Variants in YJEFN3 observed in about 807,000 individuals in gnomAD.
YJEFN3 encodes the protein yjeF N-terminal domain-containing protein 3.
Under a neutral mutation model 31.5 loss-of-function variants are expected in YJEFN3, and 29 were observed. That is an observed-to-expected ratio of 0.92 (90% CI 0.69 to 1.26). YJEFN3 has a LOEUF of 1.26. Ranked by LOEUF, YJEFN3 falls within the 50% of genes most tolerant of loss-of-function variation. The probability of loss-of-function intolerance (pLI) is 0.00; values close to 1 mark genes in which losing one functional copy is unlikely to be tolerated. For missense variants in YJEFN3, 442 were observed against 425.4 expected (o/e 1.04, Z -0.34); for synonymous variants, 227 against 196.1 (o/e 1.16, Z -1.32).
chr19:19,529,041 A>G, intron 1 of YJEFN3, 50 bp downstream of exon 1: 1 of 1,546,662 alleles, frequency 6.5e-7, no homozygotes, highest in Non-Finnish European at 8.7e-7. Flanking sequence ...CCATGGGGCC[A>G]GGAGCAGCCC....
At chr19:19,535,855 G>A in intron 6 of YJEFN3, 176 bp downstream of exon 6, 1 of 871,612 alleles carries the variant, frequency 1.1e-6, no homozygotes, top group Middle Eastern at 3.3e-4. Context: ...GATCGAGGCT[G>A]CCACCCCAGG....
intron 6 of YJEFN3, chr19:19,536,163 G>A (rs1222814606): frequency 6.5e-6 from 2 of 309,112 alleles, no homozygotes; most frequent in Non-Finnish European, 1.2e-5. Flanking sequence ...GCGGCGTGCT[G>A]TCTGATCTGA....
At chr19:19,536,369 G>A (rs2061209493) in intron 6 of YJEFN3, among the ~76,000 whole-genome samples, 1 of 152,216 alleles carries the variant, frequency 6.6e-6, no homozygotes, top group Non-Finnish European at 1.5e-5. Context: ...CTCCTAGGCT[G>A]AAAGTGGAGG....
At chr19:19,531,053 C>T (rs570644460) in intron 2 of YJEFN3, among the ~76,000 whole-genome samples, 1 of 152,310 alleles carries the variant, frequency 6.6e-6, no homozygotes, top group Admixed American at 6.5e-5. Flanking sequence ...CATTACCTGC[C>T]ACGATGTGCC....
At chr19:19,529,118 G>A (rs1214294452) in intron 1 of YJEFN3, 127 bp downstream of exon 1, 10 of 1,480,436 alleles carry the variant, frequency 6.8e-6, no homozygotes, top group South Asian at 1.4e-5. Flanking sequence ...GGGCACAGCC[G>A]GGATGGAGGT....
rs1210623940 is a variant in YJEFN3, at chr19:19,532,619, A to T, written c.210-13A>T. 26 of 1,526,754 alleles carry T rather than the reference A, an allele frequency of 1.7e-5. No homozygotes were observed. The highest frequency in any genetic ancestry group is 4.1e-5 in the African/African-American group (3 of 72,696). 94.6% of individuals were successfully genotyped at this position (1,526,754 alleles called of 1,614,324 possible). Reference sequence around the variant, plus strand: ...TGTGTGTCTCTGAGTGTCCCATCCCACTCTGTCCCCAGCACCGCGGAGGCA... The same window carrying T: ...TGTGTGTCTCTGAGTGTCCCATCCCTCTCTGTCCCCAGCACCGCGGAGGCA... On this transcript the variant is annotated splice_polypyrimidine_tract_variant and intron_variant, in intron 2 of 6. Coordinates refer to ENST00000514277, the MANE Select transcript of YJEFN3 (RefSeq NM_198537.4).
chr19:19,529,349 C>T lies in YJEFN3; in HGVS notation c.60-15C>T, dbSNP rs780347394. 8.1e-6 allele frequency: 13 copies of T among 1,603,926 alleles called. No homozygotes were observed. Among genetic ancestry groups the T allele is most frequent in the Admixed American group, 1.7e-5 (1 of 58,788 alleles). On this transcript the variant is annotated splice_polypyrimidine_tract_variant and intron_variant, in intron 1 of 6. Coordinates refer to ENST00000514277, the MANE Select transcript of YJEFN3 (RefSeq NM_198537.4). ...ACCCCAACCGTGGCCCACCCCCACT[C>T]TCCATCTCTCCCAGGGCCTTGGAGC...
At position 19,537,299 on chromosome 19, in the gene YJEFN3, C is replaced by T. The variant is rs1163382290; in HGVS notation, c.695-20C>T. 2 of 1,565,294 alleles carry T rather than the reference C, an allele frequency of 1.3e-6. No homozygotes were observed. The highest frequency in any genetic ancestry group is 1.2e-5 in the South Asian group (1 of 86,092). On this transcript the variant is annotated intron_variant, in intron 6 of 6. Coordinates refer to ENST00000514277, the MANE Select transcript of YJEFN3 (RefSeq NM_198537.4). ...GGCCACCCTCCCAGTTCCCAATCCC[C>T]CCGGACCCTCCTCCCTCAGGCTGGG... is the stretch of plus-strand genomic sequence containing the variant.
chr19:19,531,014 G>C (rs2061150833), intron 2 of YJEFN3, among the ~76,000 whole-genome samples: 1 of 152,072 alleles, frequency 6.6e-6, no homozygotes, highest in Admixed American at 6.6e-5. Flanking sequence ...CCCACCCCAG[G>C]GCCTTGGCTT....
At position 19,535,021 on chromosome 19, in the gene YJEFN3, C is replaced by G. The variant is rs367707919; in HGVS notation, c.319-13C>G. ...GACTGTGCCTGTGCCTTTGCTGTGT[C>G]CCCTACCACCAGGCGTTCCCGTTGC... On this transcript the variant is annotated splice_polypyrimidine_tract_variant and intron_variant, in intron 3 of 6. Transcript: ENST00000514277. 2.5e-6 allele frequency: 4 copies of G among 1,579,644 alleles called. No homozygotes were observed. The highest frequency in any genetic ancestry group is 3.4e-4 in the Middle Eastern group (2 of 5,874).
In YJEFN3 at chr19:19,533,334, C is replaced by T. The variant is rs893610675; in HGVS notation, c.318+594C>T. ...GCAACAGCATAATAAATGGTACTGA[C>T]GAGTCAGTCCCTAAACGTGAACGCC... On this transcript the variant is annotated intron_variant, in intron 3 of 6. Coordinates refer to ENST00000514277, the MANE Select transcript of YJEFN3 (RefSeq NM_198537.4). 6.4e-5 allele frequency: 63 copies of T among 985,540 alleles called. No individual in the cohort carries two copies. In the South Asian group the frequency reaches 8.0e-4, roughly 12 times the overall value. 61.0% of individuals were successfully genotyped at this position (985,540 alleles called of 1,614,324 possible). A position where few individuals can be genotyped will look rare whatever the true frequency, so the allele number is the denominator to read the frequency against.
At chr19:19,532,940 A>G (rs1360297532) in intron 3 of YJEFN3, among the ~76,000 whole-genome samples, 200 bp downstream of exon 3, 3 of 152,170 alleles carry the variant, frequency 2.0e-5, no homozygotes, top group Non-Finnish European at 4.4e-5. Context: ...CCCTGGTATC[A>G]GAGAAGGCCA....
Position 19,529,325 on chromosome 19 carries a change from C to G in YJEFN3, c.60-39C>G, listed in dbSNP as rs146193538. The G allele has an allele frequency of 7.5e-4, 1,186 of 1,583,486 alleles. 10 individuals are homozygous for G. In the African/African-American group the frequency reaches 0.014, roughly 18 times the overall value. On this transcript the variant is annotated intron_variant, in intron 1 of 6. Transcript: ENST00000514277. ...CAGCGCTGGTCGCTCCCCCACCGAA[C>G]CCCAACCGTGGCCCACCCCCACTCT...
chr19:19,533,039 G>A, intron 3 of YJEFN3: 1 of 1,185,020 alleles, frequency 8.4e-7, no homozygotes, highest in Non-Finnish European at 1.0e-6. Flanking sequence ...CCACCTCCTG[G>A]GTCTTGGGCA....
Position 19,531,062 on chromosome 19 carries a change from C to A in YJEFN3, c.209+1549C>A, listed in dbSNP as rs891892908. Among the ~76,000 whole-genome samples, 11 of 152,312 alleles carry A rather than the reference C, an allele frequency of 7.2e-5. 1 individual carries two copies. The South Asian group carries it at 1.9e-3, about 26-fold the overall frequency. On this transcript the variant is annotated intron_variant, in intron 2 of 6. Coordinates refer to ENST00000514277, the MANE Select transcript of YJEFN3 (RefSeq NM_198537.4). Reference sequence around the variant, plus strand: ...CCCCTGCATTACCTGCCACGATGTGCCAGGCCTCCTCCTCCAGGAAGCCCT... The same window carrying A: ...CCCCTGCATTACCTGCCACGATGTGACAGGCCTCCTCCTCCAGGAAGCCCT...
rs773156295 is a variant in YJEFN3 at position 19,535,398 on chromosome 19, C to G, written c.491C>G (p.Thr164Ser). 6.2e-7 allele frequency: 1 copy of G among 1,614,016 alleles called. No individual in the cohort carries two copies. The highest frequency in any genetic ancestry group is 1.3e-5 in the African/African-American group (1 of 75,038). The change falls in exon 5 of 7, where the codon ACC (threonine) becomes AGC (serine). Residue 164 changes from threonine to serine, a missense_variant. By Grantham distance (58) the Thr-to-Ser change is moderately conservative. Transcript: ENST00000514277. The part of the protein sequence containing the change: ...RSLDLLHRDL[T>S]TQCEKMDIPF... The stretch of plus-strand genomic sequence containing the variant: ...CTGGACCTGCTGCATCGGGACCTGA[C>G]CACCCAGTGCGAGAAGATGGACATC...
At chr19:19,535,224 G>A in intron 4 of YJEFN3, 80 bp downstream of exon 4, 2 of 1,514,508 alleles carry the variant, frequency 1.3e-6, no homozygotes, top group Non-Finnish European at 1.8e-6. Flanking sequence ...AGCTTCCCAG[G>A]GGGACATTGA....
At position 19,532,726 on chromosome 19, in the gene YJEFN3, G is replaced by T. The variant is rs775969643; in HGVS notation, c.304G>T (p.Val102Leu). 2 of 1,570,320 alleles carry T rather than the reference G, an allele frequency of 1.3e-6. No individual in the cohort carries two copies. The highest frequency in any genetic ancestry group is 1.7e-6 in the Non-Finnish European group (2 of 1,163,676). Residue 102 changes from valine to leucine, a missense_variant, in exon 3 of 7, where the codon GTG becomes TTG. Coordinates refer to ENST00000514277, the MANE Select transcript of YJEFN3 (RefSeq NM_198537.4). ...GGAGCTGTGCGGTCATGCTAGTGCC[G>T]TGGCTGTGACCAAGGTACCTGACCC... Reference protein sequence around the residue: ...LVELCGHASAVAVTKAFPLPA... With the variant: ...LVELCGHASALAVTKAFPLPA...
chr19:19,533,362 A>T, intron 3 of YJEFN3: 5 of 985,792 alleles, frequency 5.1e-6, no homozygotes, highest in Non-Finnish European at 6.0e-6. Context: ...TGAACGCCTC[A>T]GAAAACTGTC....
Sources: gnomAD v4.1 joint callset for allele counts (sites outside exome capture counted in the v4.1 genomes callset) on GRCh38, gnomAD v4.1.1 for gene constraint, MANE v1.5 for transcripts, NCBI Gene and HGNC (gene_info 2026-07-23, HGNC 2026-07-21) for gene names.